OSBP2: variants seen among roughly 807,000 people sequenced by gnomAD.
The protein encoded by OSBP2 is oxysterol-binding protein 2.
In OSBP2, 66 loss-of-function variants were observed where a neutral mutation model predicts 96.0. That is an observed-to-expected ratio of 0.69 (90% CI 0.56 to 0.84). The LOEUF (loss-of-function observed/expected upper bound fraction) is 0.84, where lower values mean the gene tolerates loss of function less well. OSBP2 is among the 40% of genes least tolerant of loss of function. The probability of loss-of-function intolerance (pLI) is 0.00; values close to 1 mark genes in which losing one functional copy is unlikely to be tolerated. For missense variants in OSBP2, 1,038 were observed against 1,222.7 expected (o/e 0.85, Z 2.25); for synonymous variants, 525 against 520.9 (o/e 1.01, Z -0.11).
chr22:30,697,038 A>G (rs2089054434), intron 1 of OSBP2, among the ~76,000 whole-genome samples: 1 of 152,144 alleles, frequency 6.6e-6, no homozygotes, highest in Non-Finnish European at 1.5e-5. Flanking sequence ...GGCCCAGTAG[A>G]CGGTAGAGAG....
intron 2 of OSBP2, among the ~76,000 whole-genome samples, chr22:30,869,004 C>A (rs942800433): frequency 1.3e-5 from 2 of 152,248 alleles, no homozygotes; most frequent in African/African-American, 2.4e-5. Context: ...TTGGCAGTTA[C>A]AGGCTCTGGG....
chr22:30,851,629 A>AC (rs2038980233), intron 2 of OSBP2, among the ~76,000 whole-genome samples: 1 of 152,034 alleles, frequency 6.6e-6, no homozygotes, highest in Admixed American at 6.6e-5. Flanking sequence ...TGTAATGTTG[A>AC]GTAGAAGTGG....
At chr22:30,854,100 C>T (rs1006422202) in intron 2 of OSBP2, among the ~76,000 whole-genome samples, 3 of 151,908 alleles carry the variant, frequency 2.0e-5, no homozygotes, top group Non-Finnish European at 4.4e-5. Context: ...GTTTACAGTA[C>T]GCATTTTTAA....
intron 2 of OSBP2, among the ~76,000 whole-genome samples, chr22:30,864,679 A>C (rs2039293297): frequency 6.6e-6 from 1 of 151,446 alleles, no homozygotes; most frequent in Admixed American, 6.6e-5. Flanking sequence ...CCCAGGCCCC[A>C]CCGGCCTGTC....
intron 2 of OSBP2, among the ~76,000 whole-genome samples, chr22:30,768,602 G>A (rs1385286565): frequency 6.6e-6 from 1 of 151,812 alleles, no homozygotes; most frequent in East Asian, 1.9e-4. Flanking sequence ...GCTTGAACCC[G>A]GGAGGCCCAG....
chr22:30,826,743 A>T (rs1410330869), intron 2 of OSBP2, among the ~76,000 whole-genome samples: 1 of 152,208 alleles, frequency 6.6e-6, no homozygotes, highest in Non-Finnish European at 1.5e-5. Flanking sequence ...GGGAAGGGCC[A>T]TCTGAGGCTG....
intron 2 of OSBP2, among the ~76,000 whole-genome samples, chr22:30,791,863 C>A (rs963217155): frequency 2.0e-5 from 3 of 152,148 alleles, no homozygotes; most frequent in Non-Finnish European, 4.4e-5. Flanking sequence ...GGTTTAAGAA[C>A]CCTCTTATTC....
At position 30,778,169 on chromosome 22, in the gene OSBP2, C is replaced by CTTTTTTTTTTTTTTTT. The variant is rs1569119423; in HGVS notation, c.853+36800_853+36801insTTTTTTTTTTTTTTTT. Among the ~76,000 whole-genome samples the CTTTTTTTTTTTTTTTT allele has an allele frequency of 7.5e-4, 93 of 124,166 alleles. 13 individuals carry two copies. The highest frequency in any genetic ancestry group is 4.8e-3 in the Middle Eastern group (1 of 208). 81.5% of individuals were successfully genotyped at this position (124,166 alleles called of 152,430 possible). On this transcript the variant is annotated intron_variant, in intron 2 of 13. Coordinates refer to ENST00000332585, the MANE Select transcript of OSBP2 (RefSeq NM_030758.4). ...ACCAGCATGCCCGGCTAATTTTTGC[C>CTTTTTTTTTTTTTTTT]CTTTTTTTTTTTTTTTTTTTTAGTA...
chr22:30,694,295 G>A (rs865953288), upstream of OSBP2: 26 of 1,549,176 alleles, frequency 1.7e-5, no homozygotes, highest in Non-Finnish European at 1.9e-5. Flanking sequence ...CGGTGAGGCG[G>A]CCACTTGGGG....
intron 2 of OSBP2, among the ~76,000 whole-genome samples, chr22:30,858,915 A>AATAATAATAATAATAATAAT (rs1337873376): frequency 8.0e-5 from 9 of 111,846 alleles, no homozygotes; most frequent in South Asian, 2.9e-4. Context: ...ATAATAATAA[A>AATAATAATAATAATAATAAT]AGCATTCCCA....
Position 30,870,671 on chromosome 22 carries a change from G to C in OSBP2, c.1096G>C (p.Ala366Pro). 1 of 1,613,464 alleles carries C rather than the reference G, an allele frequency of 6.2e-7. No homozygotes were observed. The highest frequency in any genetic ancestry group is 8.5e-7 in the Non-Finnish European group (1 of 1,179,924). Reference protein sequence around the residue: ...RATLFRITSNAMINACRDFLE... With the variant: ...RATLFRITSNPMINACRDFLE... ...CACCCTCTTCCGCATCACATCCAAT[G>C]CTATGATCAACGTGAGTACCCACCC... The change falls in exon 3 of 14, where the codon GCT becomes CCT. Residue 366 changes from alanine (A) to proline (P), a missense_variant. Transcript: ENST00000332585. The surrounding 1 kb of genome is among the most constrained non-coding windows in gnomAD (Gnocchi z 4.1).
chr22:30,827,390 T>G (rs1400827791), intron 2 of OSBP2, among the ~76,000 whole-genome samples: 1 of 152,172 alleles, frequency 6.6e-6, no homozygotes, highest in Admixed American at 6.5e-5. Context: ...AAACCTAACA[T>G]GACAGAGCCT....
chr22:30,786,819 T>G (rs1254508211), intron 2 of OSBP2, among the ~76,000 whole-genome samples: 1 of 151,992 alleles, frequency 6.6e-6, no homozygotes, highest in African/African-American at 2.4e-5. Context: ...TGTTTTGTTT[T>G]GTACAGTCTT....
rs540538322 is a variant in OSBP2, at chr22:30,870,118, G to A, written c.854-311G>A. 5.9e-5 allele frequency among the ~76,000 whole-genome samples: 9 copies of A among 152,292 alleles called. No homozygotes were observed. The highest frequency in any genetic ancestry group is 4.1e-4 in the South Asian group (2 of 4,830). On this transcript the variant is annotated intron_variant, in intron 2 of 13. Coordinates refer to ENST00000332585, the MANE Select transcript of OSBP2 (RefSeq NM_030758.4). This position sits in a 1 kb window ranked among gnomAD's most constrained non-coding sequence, Gnocchi z 4.1. ...GCACACCACAATGTAGGGAGCTGGC[G>A]CCCTGCATGCAGGTGGGTGCCTGTA... is the stretch of plus-strand genomic sequence containing the variant.
At chr22:30,875,912 C>A (rs2039568587) in intron 3 of OSBP2, among the ~76,000 whole-genome samples, 1 of 152,266 alleles carries the variant, frequency 6.6e-6, no homozygotes, top group Non-Finnish European at 1.5e-5. Flanking sequence ...GGCAATCCAG[C>A]AAACTCTTAA....
At chr22:30,882,774 A>G (rs1369576542) in intron 3 of OSBP2, among the ~76,000 whole-genome samples, 1 of 152,188 alleles carries the variant, frequency 6.6e-6, no homozygotes, top group East Asian at 1.9e-4. Context: ...TGTGGAAAAA[A>G]CAAATACTCC....
intron 1 of OSBP2, among the ~76,000 whole-genome samples, chr22:30,726,285 G>A (rs534482539): frequency 2.0e-4 from 30 of 152,258 alleles, no homozygotes; most frequent in South Asian, 6.2e-4. Flanking sequence ...CATATACACC[G>A]TGGAATACTA....
chr22:30,747,210 G>T (rs368245544), intron 2 of OSBP2, among the ~76,000 whole-genome samples: 3 of 152,224 alleles, frequency 2.0e-5, no homozygotes, highest in African/African-American at 7.2e-5. Context: ...GTAGGAACTA[G>T]GGGGAGATGG....
At chr22:30,730,812 T>TATTA (rs1569100832) in intron 1 of OSBP2, among the ~76,000 whole-genome samples, 14 of 48,420 alleles carry the variant, frequency 2.9e-4, no homozygotes, top group South Asian at 8.3e-4. Flanking sequence ...ATATATAATT[T>TATTA]TTTTTTTTTT....
Sources: gnomAD v4.1 joint callset for allele counts (sites outside exome capture counted in the v4.1 genomes callset) on GRCh38, gnomAD v4.1.1 for gene constraint, Gnocchi (gnomAD v3.1) non-coding constraint, MANE v1.5 for transcripts, NCBI Gene and HGNC (gene_info 2026-07-23, HGNC 2026-07-21) for gene names.